The following SOS1 variants were observed in gnomAD, a reference collection of about 807,000 sequenced individuals.
The protein encoded by SOS1 is SOS Ras/Rac guanine nucleotide exchange factor 1, also known as son of sevenless homolog 1.
A neutral mutation model predicts 157.6 loss-of-function variants in SOS1; 25 were observed. The ratio of observed to expected loss-of-function variants is 0.16; its 90% CI spans 0.12 to 0.22. The LOEUF is 0.22. Among genes scored for constraint, SOS1 ranks in the 10% least tolerant of loss-of-function variants. The pLI is 1.00. For missense variants in SOS1, 1,237 were observed against 1,599.1 expected (o/e 0.77, Z 3.86); for synonymous variants, 528 against 534.0 (o/e 0.99, Z 0.16).
chr2:39,030,269 G>A (rs1027087874), intron 8 of SOS1, among the ~76,000 whole-genome samples: 5 of 144,782 alleles, frequency 3.5e-5, no homozygotes, highest in Admixed American at 2.0e-4. Flanking sequence ...AAGCGAAAGA[G>A]GGGGAAAGAA....
intron 6 of SOS1, among the ~76,000 whole-genome samples, chr2:39,044,688 C>G (rs1057446249): frequency 1.3e-5 from 2 of 152,066 alleles, no homozygotes; most frequent in African/African-American, 2.4e-5. Context: ...ATGTGAAACC[C>G]TTGCGTACTC....
chr2:39,022,953 T>A lies in SOS1; in HGVS notation c.1475A>T (p.Glu492Val). 1.9e-6 allele frequency: 3 copies of A among 1,613,790 alleles called. No homozygotes were observed. Among genetic ancestry groups the A allele is most frequent in the Non-Finnish European group, 2.5e-6 (3 of 1,179,784 alleles). ...GASNAEYRLK[E>V]KFFMRKVQIN... ...TTGTACCTTTCGCATAAAAAACTTT[T>A]CTTTAAGACGATATTCTGCATTGCT... The change falls in exon 10 of 23, where the codon GAA (glutamate) becomes GTA (valine). Residue 492 changes from glutamate to valine, a missense_variant. Transcript: ENST00000402219.
intron 6 of SOS1, among the ~76,000 whole-genome samples, chr2:39,049,075 G>A (rs1050037916): frequency 3.3e-5 from 5 of 151,864 alleles, no homozygotes; most frequent in African/African-American, 7.3e-5. Context: ...GTACCACCAC[G>A]CCCGGCTAAT....
At chr2:39,087,454 A>T (rs1672421077) in intron 1 of SOS1, among the ~76,000 whole-genome samples, 1 of 152,234 alleles carries the variant, frequency 6.6e-6, no homozygotes, top group Non-Finnish European at 1.5e-5. Flanking sequence ...AAACAATTAA[A>T]CACAGAATAT....
At chr2:39,123,187 C>T (rs77680090), upstream of SOS1, among the ~76,000 whole-genome samples, 10,003 of 152,160 alleles carry the variant, frequency 0.066, 442 homozygotes, top group East Asian at 0.18. Context: ...TCACCACCTC[C>T]AAGAGGCCTT....
At chr2:39,020,472 T>A (rs542135656) in intron 10 of SOS1, among the ~76,000 whole-genome samples, 136 of 151,876 alleles carry the variant, frequency 9.0e-4, no homozygotes, top group African/African-American at 2.7e-3. Context: ...AAGTTAAATG[T>A]TAGCTTTGTT....
intron 17 of SOS1, among the ~76,000 whole-genome samples, chr2:39,000,268 G>A (rs1206241845): frequency 2.0e-4 from 31 of 152,186 alleles, no homozygotes; most frequent in Non-Finnish European, 1.5e-4. Flanking sequence ...CAGCAGTGGT[G>A]TCCAAACTTT....
intron 6 of SOS1, among the ~76,000 whole-genome samples, chr2:39,038,866 G>T (rs1463311585): frequency 6.6e-6 from 1 of 151,988 alleles, no homozygotes; most frequent in Non-Finnish European, 1.5e-5. Flanking sequence ...AGTTTGAGAG[G>T]ATTGACTCCA....
intron 15 of SOS1, among the ~76,000 whole-genome samples, chr2:39,010,315 CAA>C (rs113164980): frequency 2.3e-4 from 21 of 91,572 alleles, no homozygotes; most frequent in Admixed American, 4.7e-4. Context: ...GACTCTGTCT[CAA>C]AAAAAAAAAA....
rs955953001 is a variant in SOS1, at chr2:38,981,591, T to C, written c.*4233A>G. 2.0e-5 allele frequency: 3 copies of C among 152,182 alleles called. No homozygotes were observed. Among genetic ancestry groups the C allele is most frequent in the East Asian group, 1.9e-4 (1 of 5,190 alleles). 9.4% of individuals were successfully genotyped at this position (152,182 alleles called of 1,614,324 possible). A position where few individuals can be genotyped will look rare whatever the true frequency, so the allele number is the denominator to read the frequency against. ...CATTTTTCTTTATTATTTTTCAGTT[T>C]ATCTTAGTAATGCCAGAAAAATAAC... On this transcript the variant is annotated 3_prime_UTR_variant, in exon 23 of 23. Coordinates refer to ENST00000402219, the MANE Select transcript of SOS1 (RefSeq NM_005633.4).
chr2:39,081,134 G>T (rs184832273), intron 1 of SOS1, among the ~76,000 whole-genome samples: 8 of 152,198 alleles, frequency 5.3e-5, no homozygotes, highest in Admixed American at 2.6e-4. Flanking sequence ...CTGCACTCCA[G>T]CCTGGAGTGG....
chr2:39,105,185 G>A (rs900706850), intron 1 of SOS1, among the ~76,000 whole-genome samples: 1 of 151,568 alleles, frequency 6.6e-6, no homozygotes, highest in African/African-American at 2.4e-5. Context: ...CATTAAAAAA[G>A]AACAACTGAA....
intron 1 of SOS1, among the ~76,000 whole-genome samples, chr2:39,106,800 G>A (rs1673208718): frequency 1.3e-5 from 2 of 152,154 alleles, no homozygotes; most frequent in African/African-American, 4.8e-5. Context: ...CCAACAAGGA[G>A]TCATCTTCGT....
intron 14 of SOS1, among the ~76,000 whole-genome samples, chr2:39,011,391 G>C (rs1669466352): frequency 6.6e-6 from 1 of 151,932 alleles, no homozygotes; most frequent in Admixed American, 6.6e-5. Flanking sequence ...TCAGTTCAAA[G>C]AGGGTACAGT....
chr2:38,996,838 A>G (rs376331461), intron 19 of SOS1, 84 bp downstream of exon 19: 1 of 795,346 alleles, frequency 1.3e-6, no homozygotes, highest in East Asian at 2.4e-5. Context: ...TCACATGTAT[A>G]CTTCATCCCT....
intron 8 of SOS1, among the ~76,000 whole-genome samples, chr2:39,024,926 C>T (rs1669907817): frequency 9.7e-6 from 1 of 102,932 alleles, no homozygotes; most frequent in African/African-American, 2.9e-5. Context: ...AGCATATTTT[C>T]TATTACTGGC....
chr2:39,025,404 C>T (rs369972390), intron 8 of SOS1, among the ~76,000 whole-genome samples: 128 of 151,776 alleles, frequency 8.4e-4, no homozygotes, highest in African/African-American at 3.0e-3. Flanking sequence ...GGCTAGGGTG[C>T]AGCGGTGCAA....
chr2:38,990,964 A>AAAC (rs1174735490), intron 20 of SOS1, among the ~76,000 whole-genome samples: 1 of 152,206 alleles, frequency 6.6e-6, no homozygotes, highest in Non-Finnish European at 1.5e-5. Flanking sequence ...TTAATTTAAA[A>AAAC]AACAGTATTA....
chr2:39,004,165 C>T (rs968953520), intron 17 of SOS1, among the ~76,000 whole-genome samples: 4 of 151,948 alleles, frequency 2.6e-5, no homozygotes, highest in Non-Finnish European at 5.9e-5. Flanking sequence ...CCTGTAATCC[C>T]AGCACTTTGG....
Sources: allele counts gnomAD v4.1 joint callset (sites outside exome capture counted in the v4.1 genomes callset), GRCh38; gene constraint gnomAD v4.1.1; transcripts MANE v1.5; gene names NCBI Gene and HGNC (gene_info 2026-07-23, HGNC 2026-07-21).